APP: variants seen among roughly 807,000 people sequenced by gnomAD.
APP encodes the protein amyloid beta precursor protein, also known as amyloid-beta precursor protein.
In APP, 31 loss-of-function variants were observed where a neutral mutation model predicts 101.4. The observed-to-expected ratio is 0.31, with a 90% CI of 0.23 to 0.41. The LOEUF is 0.41. Ranked by LOEUF, APP falls within the 10% of genes least tolerant of loss-of-function variation. The pLI, the probability that APP is intolerant of heterozygous loss-of-function variation, is 1.00. For synonymous variants in APP, 366 were observed against 364.4 expected, an observed-to-expected ratio of 1.00 and a Z score of -0.05; for missense variants, 839 against 1,003.7, an observed-to-expected ratio of 0.84 and a Z score of 2.22.
Position 25,908,129 on chromosome 21 carries a change from A to C in APP, c.1910-3052T>G, listed in dbSNP as rs116022004. On this transcript the variant is annotated intron_variant, in intron 14 of 17. Transcript: ENST00000346798. ...AGTCAGGAAAAAGTAGAACAAACAC[A>C]AATGTCATCAACGCTAATGCTTCCA... is the stretch of plus-strand genomic sequence containing the variant. Among the ~76,000 whole-genome samples, 491 of 152,342 alleles carry C rather than the reference A, an allele frequency of 3.2e-3. 3 individuals are homozygous for C. Among genetic ancestry groups the C allele is most frequent in the African/African-American group, 0.011 (473 of 41,576 alleles).
intron 11 of APP, among the ~76,000 whole-genome samples, chr21:25,960,670 T>C (rs1184908002): frequency 6.6e-6 from 1 of 152,160 alleles, no homozygotes; most frequent in Non-Finnish European, 1.5e-5. Context: ...CCAGGGATAA[T>C]GAGACCTGGG....
At chr21:25,891,678 T>G in intron 17 of APP, 44 bp downstream of exon 17, 3 of 1,602,138 alleles carry the variant, frequency 1.9e-6, no homozygotes, top group Non-Finnish European at 2.6e-6. Context: ...AATTCTCTCA[T>G]AGTCTTAATT....
chr21:25,902,087 G>A (rs2038528409), intron 15 of APP, among the ~76,000 whole-genome samples: 1 of 152,234 alleles, frequency 6.6e-6, no homozygotes, highest in Non-Finnish European at 1.5e-5. Flanking sequence ...ACTGCATGCT[G>A]GAAGCTACCA....
chr21:26,101,192 G>A (rs192394285), intron 2 of APP, among the ~76,000 whole-genome samples: 8 of 139,710 alleles, frequency 5.7e-5, no homozygotes, highest in South Asian at 2.4e-4. Flanking sequence ...CTCGGCCTCC[G>A]AGTTCAAGCA....
chr21:26,053,199 T>G (rs368630223), intron 4 of APP, 37 bp downstream of exon 4: 2 of 1,474,242 alleles, frequency 1.4e-6, no homozygotes, highest in Non-Finnish European at 1.9e-6. Context: ...CCAGGAAATC[T>G]TCACTTTGCA....
At chr21:25,892,938 C>CAGAT (rs1358567341) in intron 16 of APP, among the ~76,000 whole-genome samples, 2 of 116,054 alleles carry the variant, frequency 1.7e-5, no homozygotes, top group East Asian at 2.2e-4. Context: ...GTAGTGCTTA[C>CAGAT]AGATAGTATT....
intron 13 of APP, among the ~76,000 whole-genome samples, chr21:25,933,356 G>A (rs1232906744): frequency 6.6e-6 from 1 of 152,214 alleles, no homozygotes; most frequent in Non-Finnish European, 1.5e-5. Context: ...TCCCACCTCG[G>A]CCTTCCCAAG....
intron 5 of APP, among the ~76,000 whole-genome samples, chr21:26,031,703 C>CT (rs1412486018): frequency 7.8e-4 from 1 of 1,284 alleles, no homozygotes; most frequent in Admixed American, 0.017. Flanking sequence ...CAATTACCTC[C>CT]CCTGGGTCCC....
intron 11 of APP, among the ~76,000 whole-genome samples, chr21:25,956,526 T>C (rs45487301): frequency 6.6e-5 from 10 of 152,244 alleles, no homozygotes; most frequent in Non-Finnish European, 2.9e-5. Flanking sequence ...TTCCACTACA[T>C]GATTTTGTAA....
rs45541335 is a variant in APP, at chr21:25,897,804, C to T, written c.1964-131G>A. On this transcript the variant is annotated intron_variant, in intron 15 of 17. Coordinates refer to ENST00000346798, the MANE Select transcript of APP (RefSeq NM_000484.4). ...GTTAGAAGAAAATTGATAAATGACTCTTAAAGAAAAATGATACCCTATATT... is the reference window on the plus strand; with the variant it reads ...GTTAGAAGAAAATTGATAAATGACTTTTAAAGAAAAATGATACCCTATATT... 1,452 of 740,948 alleles carry T rather than the reference C, an allele frequency of 2.0e-3. 16 individuals carry two copies. The African/African-American group carries it at 0.023, about 12-fold the overall frequency. The allele number at this position is 740,948 out of a possible 1,614,324, so 45.9% of individuals were successfully genotyped here.
intron 3 of APP, among the ~76,000 whole-genome samples, chr21:26,087,288 C>G (rs1344175476): frequency 6.6e-6 from 1 of 152,156 alleles, no homozygotes; most frequent in Non-Finnish European, 1.5e-5. Flanking sequence ...ATATTAGGGT[C>G]TAATTTCAGG....
At chr21:26,006,660 A>G (rs1446316318) in intron 6 of APP, among the ~76,000 whole-genome samples, 1 of 152,236 alleles carries the variant, frequency 6.6e-6, no homozygotes, top group Admixed American at 6.5e-5. Context: ...TTGGAGTGAA[A>G]TTCTTTGTGG....
At chr21:26,091,699 T>A (rs1277963498) in intron 2 of APP, among the ~76,000 whole-genome samples, 1 of 151,930 alleles carries the variant, frequency 6.6e-6, no homozygotes, top group Non-Finnish European at 1.5e-5. Flanking sequence ...TCTGAAAGCA[T>A]GCACTTCAAG....
At chr21:26,136,781 T>A (rs2062927856) in intron 1 of APP, among the ~76,000 whole-genome samples, 1 of 152,212 alleles carries the variant, frequency 6.6e-6, no homozygotes, top group Non-Finnish European at 1.5e-5. Flanking sequence ...AATCTGGATT[T>A]AAGTCTTGGC....
At chr21:25,971,238 G>GC (rs1302779192) in intron 11 of APP, among the ~76,000 whole-genome samples, 2 of 94 alleles carry the variant, frequency 0.021, no homozygotes, top group African/African-American at 0.056. Flanking sequence ...TAGTAGAGAC[G>GC]GGGTTCACCA....
At chr21:25,945,924 T>G (rs2040798103) in intron 13 of APP, 1 of 455,680 alleles carries the variant, frequency 2.2e-6, no homozygotes, top group East Asian at 7.0e-5. Flanking sequence ...TCAAGTCATC[T>G]GCCCACCTTG....
rs534269448 is a variant in APP, at chr21:25,893,622, T to C, written c.2065-1754A>G. Among the ~76,000 whole-genome samples the C allele has an allele frequency of 7.2e-5, 11 of 152,306 alleles. 1 individual carries two copies. The East Asian group carries it at 1.5e-3, about 21-fold the overall frequency. On this transcript the variant is annotated intron_variant, in intron 16 of 17. Coordinates refer to ENST00000346798, the MANE Select transcript of APP (RefSeq NM_000484.4). ...CCTAATCAAGAACAAGGCCCACAAC[T>C]GTCTTCAATTCTATGAAGGATGAGA...
chr21:25,931,043 C>G (rs895081825), intron 13 of APP, among the ~76,000 whole-genome samples: 1 of 152,206 alleles, frequency 6.6e-6, no homozygotes, highest in African/African-American at 2.4e-5. Flanking sequence ...AACTAGTGAG[C>G]CCCTCCCTCC....
At chr21:26,110,250 C>T (rs2062281709) in intron 2 of APP, among the ~76,000 whole-genome samples, 1 of 152,096 alleles carries the variant, frequency 6.6e-6, no homozygotes. Context: ...CAAGACCAGC[C>T]TGGCCAATAT....
Sources: allele counts gnomAD v4.1 joint callset (sites outside exome capture counted in the v4.1 genomes callset), GRCh38; gene constraint gnomAD v4.1.1; transcripts MANE v1.5; gene names NCBI Gene and HGNC (gene_info 2026-07-23, HGNC 2026-07-21).